Variants in SCN2A observed in about 807,000 individuals in gnomAD.
The protein encoded by SCN2A is sodium voltage-gated channel alpha subunit 2, also known as sodium channel protein type 2 subunit alpha.
Under a neutral mutation model 188.7 loss-of-function variants are expected in SCN2A, and 20 were observed. The ratio of observed to expected loss-of-function variants is 0.11; its 90% CI spans 0.07 to 0.15. The LOEUF (loss-of-function observed/expected upper bound fraction) is 0.15, where lower values mean the gene tolerates loss of function less well. Ranked by LOEUF, SCN2A falls within the 10% of genes least tolerant of loss-of-function variation. SCN2A has a pLI of 1.00. For synonymous variants in SCN2A, 804 were observed against 833.1 expected, an observed-to-expected ratio of 0.97 and a Z score of 0.60; for missense variants, 1,278 against 2,445.0, an observed-to-expected ratio of 0.52 and a Z score of 10.07.
chr2:165,241,110 A>G (rs781577755), intron 1 of SCN2A: 1 of 150,344 alleles, frequency 6.7e-6, no homozygotes, highest in Non-Finnish European at 1.5e-5. Context: ...GATGGCATAG[A>G]CCAGGTATGA....
chr2:165,272,496 A>G (rs1327109955), intron 1 of SCN2A: 1 of 152,074 alleles, frequency 6.6e-6, no homozygotes, highest in African/African-American at 2.4e-5. Flanking sequence ...TAACATTATC[A>G]GGGATCAAAC....
chr2:165,373,469 A>G, intron 21 of SCN2A, 122 bp downstream of exon 21: 2 of 1,104,208 alleles, frequency 1.8e-6, no homozygotes, highest in Non-Finnish European at 2.7e-6. Context: ...GACATAGCTA[A>G]TCAATCAAAA....
intron 1 of SCN2A, among the ~76,000 whole-genome samples, chr2:165,293,067 G>T (rs1696305517): frequency 6.6e-6 from 1 of 152,148 alleles, no homozygotes; most frequent in Admixed American, 6.5e-5. Context: ...TTTCTGGAGA[G>T]AGTTAACTTG....
At chr2:165,308,051 A>T in intron 4 of SCN2A, 114 bp downstream of exon 4, 2 of 786,050 alleles carry the variant, frequency 2.5e-6, no homozygotes. Flanking sequence ...TGTTAACCAG[A>T]CCCTGATTCA....
chr2:165,287,086 A>G (rs1311953533), intron 1 of SCN2A, among the ~76,000 whole-genome samples: 2 of 152,206 alleles, frequency 1.3e-5, no homozygotes, highest in African/African-American at 2.4e-5. Flanking sequence ...GTTTTAGAGT[A>G]GGAGTAAGAG....
At chr2:165,373,125 T>C (rs1701130607) in intron 20 of SCN2A, 100 bp from the exon 21 acceptor site, 4 of 1,332,774 alleles carry the variant, frequency 3.0e-6, no homozygotes, top group Non-Finnish European at 4.3e-6. Flanking sequence ...TTGAAACTCA[T>C]GAAAGTTCGA....
At chr2:165,275,837 C>G (rs1695312701) in intron 1 of SCN2A, among the ~76,000 whole-genome samples, 1 of 151,990 alleles carries the variant, frequency 6.6e-6, no homozygotes. Flanking sequence ...TGGGTTGAAG[C>G]AATTCTCCTG....
intron 14 of SCN2A, among the ~76,000 whole-genome samples, chr2:165,333,981 A>G (rs57072760): frequency 0.016 from 2,353 of 150,068 alleles, 56 homozygotes; most frequent in African/African-American, 0.054. Context: ...TAAGAAATAA[A>G]ATAAAATTAA....
At chr2:165,359,590 T>C (rs1421461303) in intron 17 of SCN2A, among the ~76,000 whole-genome samples, 1 of 152,010 alleles carries the variant, frequency 6.6e-6, no homozygotes, top group Non-Finnish European at 1.5e-5. Flanking sequence ...CCTAAAAAAA[T>C]ATACTAATTT....
At chr2:165,314,338 A>G (rs1559356345) in intron 10 of SCN2A, among the ~76,000 whole-genome samples, 1 of 152,054 alleles carries the variant, frequency 6.6e-6, no homozygotes, top group Admixed American at 6.6e-5. Flanking sequence ...CTTTACTGAC[A>G]TTTTTTTCTC....
At chr2:165,376,705 T>C (rs1349682549) in intron 22 of SCN2A, among the ~76,000 whole-genome samples, 1 of 151,954 alleles carries the variant, frequency 6.6e-6, no homozygotes, top group African/African-American at 2.4e-5. Context: ...AAGGGGTGTG[T>C]GTGTGTGTGT....
chr2:165,291,454 CT>C (rs1191677346), intron 1 of SCN2A, among the ~76,000 whole-genome samples: 1 of 29,996 alleles, frequency 3.3e-5, no homozygotes, highest in Non-Finnish European at 8.2e-5. Flanking sequence ...TTCTTTCTTT[CT>C]TTCTTTCTTT....
At chr2:165,328,428 C>T in intron 13 of SCN2A, 1 of 957,502 alleles carries the variant, frequency 1.0e-6, no homozygotes, top group Non-Finnish European at 1.2e-6. Flanking sequence ...GATTGTCTGG[C>T]CTTCCGCTCC....
chr2:165,255,948 T>TCC (rs1282242473), intron 1 of SCN2A, among the ~76,000 whole-genome samples: 2 of 150,568 alleles, frequency 1.3e-5, no homozygotes, highest in Non-Finnish European at 3.0e-5. Context: ...TTTTTCTTTA[T>TCC]CCTTTGACCT....
intron 1 of SCN2A, 110 bp from the exon 2 acceptor site, chr2:165,295,647 CTTTCTTTGAAAATATT>C: frequency 1.2e-6 from 1 of 868,830 alleles, no homozygotes; most frequent in Non-Finnish European, 1.8e-6. Flanking sequence ...CCAAATACAG[CTTTCTTTGAAAATATT>C]ATAGCTATCT....
At chr2:165,366,498 C>A (rs950913943) in intron 18 of SCN2A, among the ~76,000 whole-genome samples, 1 of 151,794 alleles carries the variant, frequency 6.6e-6, no homozygotes, top group Non-Finnish European at 1.5e-5. Context: ...TTTGGGAGGC[C>A]GAGGCAGGCG....
chr2:165,286,898 T>A (rs1413014905), intron 1 of SCN2A, among the ~76,000 whole-genome samples: 1 of 152,176 alleles, frequency 6.6e-6, no homozygotes, highest in Admixed American at 6.5e-5. Flanking sequence ...TTTGCTCACA[T>A]CTCTGAGATT....
chr2:165,284,530 G>A (rs1167530828), intron 1 of SCN2A, among the ~76,000 whole-genome samples: 1 of 152,144 alleles, frequency 6.6e-6, no homozygotes, highest in African/African-American at 2.4e-5. Flanking sequence ...TCATGGGGAA[G>A]ATGCCCAGAC....
chr2:165,250,489 TCA>T (rs3029614), intron 1 of SCN2A, among the ~76,000 whole-genome samples: 71,197 of 147,980 alleles, frequency 0.48, 17,801 homozygotes, highest in Non-Finnish European at 0.57. Context: ...TTGCTCTATT[TCA>T]CACACACACA....
Sources: gnomAD v4.1 joint callset for allele counts (sites outside exome capture counted in the v4.1 genomes callset) on GRCh38, gnomAD v4.1.1 for gene constraint, MANE v1.5 for transcripts, NCBI Gene and HGNC (gene_info 2026-07-23, HGNC 2026-07-21) for gene names.